Variants in PRR5L observed in about 807,000 individuals in gnomAD.
PRR5L encodes the protein proline rich 5 like, also known as proline-rich protein 5-like.
Under a neutral mutation model 36.4 loss-of-function variants are expected in PRR5L, and 21 were observed. The ratio of observed to expected loss-of-function variants is 0.58; its 90% CI spans 0.41 to 0.83. The LOEUF (loss-of-function observed/expected upper bound fraction) is 0.83. Ranked by LOEUF, PRR5L falls within the 40% of genes least tolerant of loss-of-function variation. The probability of loss-of-function intolerance (pLI) is 0.00; values close to 1 mark genes in which losing one functional copy is unlikely to be tolerated. For missense variants in PRR5L, 381 were observed against 473.3 expected, an observed-to-expected ratio of 0.80 and a Z score of 1.81; for synonymous variants, 188 against 197.0, an observed-to-expected ratio of 0.95 and a Z score of 0.38.
intron 1 of PRR5L, among the ~76,000 whole-genome samples, chr11:36,340,802 C>T (rs1856809965): frequency 6.6e-6 from 1 of 152,138 alleles, no homozygotes. Flanking sequence ...AACATGCAAG[C>T]AGGGAAAGAC....
chr11:36,308,938 T>C (rs1031760278), intron 1 of PRR5L, among the ~76,000 whole-genome samples: 1 of 152,214 alleles, frequency 6.6e-6, no homozygotes, highest in Non-Finnish European at 1.5e-5. Context: ...AGAATTGCCC[T>C]AGTCAACCTG....
chr11:36,349,292 A>G lies in PRR5L; in HGVS notation c.-125-51705A>G, dbSNP rs1294882723. Among the ~76,000 whole-genome samples the G allele has an allele frequency of 4.0e-5, 6 of 151,708 alleles. 1 individual carries two copies. The highest frequency in any genetic ancestry group is 6.8e-3 in the Middle Eastern group (2 of 292). ...GCAAGACTCTGCCAAAAAAAAAAAA[A>G]AAAAGAAAAATTGAAGATTTCAAAA... On this transcript the variant is annotated intron_variant, in intron 1 of 8. Coordinates refer to ENST00000530639, the MANE Select transcript of PRR5L (RefSeq NM_001160167.2).
chr11:36,297,744 C>A (rs1251329888), intron 1 of PRR5L, among the ~76,000 whole-genome samples: 1 of 152,172 alleles, frequency 6.6e-6, no homozygotes, highest in Non-Finnish European at 1.5e-5. Context: ...TCAGCCAGAT[C>A]TTTGAATTTG....
intron 7 of PRR5L, among the ~76,000 whole-genome samples, chr11:36,448,909 C>T (rs1858888919): frequency 6.6e-6 from 1 of 152,190 alleles, no homozygotes; most frequent in Non-Finnish European, 1.5e-5. Context: ...CATCCCTTAG[C>T]CCTTATCTTC....
chr11:36,345,843 A>G (rs992188345), intron 1 of PRR5L, among the ~76,000 whole-genome samples: 1 of 152,216 alleles, frequency 6.6e-6, no homozygotes, highest in Non-Finnish European at 1.5e-5. Flanking sequence ...CGTCTAGGTG[A>G]GTCTATCAGG....
intron 1 of PRR5L, among the ~76,000 whole-genome samples, chr11:36,322,718 G>T (rs1043431489): frequency 6.6e-6 from 1 of 152,144 alleles, no homozygotes; most frequent in Non-Finnish European, 1.5e-5. Context: ...ATGAATTGCT[G>T]GGGAAGAGTA....
chr11:36,337,005 T>A (rs931303478), intron 1 of PRR5L, among the ~76,000 whole-genome samples: 1 of 152,176 alleles, frequency 6.6e-6, no homozygotes, highest in African/African-American at 2.4e-5. Context: ...TTTACAGTTA[T>A]CCTGGCATGT....
chr11:36,375,667 C>T (rs1857246994), intron 1 of PRR5L, among the ~76,000 whole-genome samples: 2 of 152,150 alleles, frequency 1.3e-5, no homozygotes, highest in South Asian at 2.1e-4. Context: ...AAATTCTTAA[C>T]ACCTGCAAAA....
chr11:36,387,240 G>A (rs1236708425), intron 1 of PRR5L, among the ~76,000 whole-genome samples: 1 of 152,070 alleles, frequency 6.6e-6, no homozygotes, highest in Non-Finnish European at 1.5e-5. Flanking sequence ...GACACAGGGT[G>A]GGGAACACCA....
At chr11:36,338,805 C>A (rs370007616) in intron 1 of PRR5L, among the ~76,000 whole-genome samples, 1 of 152,072 alleles carries the variant, frequency 6.6e-6, no homozygotes, top group East Asian at 1.9e-4. Flanking sequence ...TGGCTCACTG[C>A]GACCTCCGTG....
intron 1 of PRR5L, among the ~76,000 whole-genome samples, chr11:36,372,341 T>C (rs1002428032): frequency 6.6e-6 from 1 of 152,140 alleles, no homozygotes; most frequent in Non-Finnish European, 1.5e-5. Flanking sequence ...ACAACGGACC[T>C]CTGGAAGAAC....
At chr11:36,389,814 T>C (rs1449241541) in intron 1 of PRR5L, among the ~76,000 whole-genome samples, 2 of 152,162 alleles carry the variant, frequency 1.3e-5, no homozygotes, top group African/African-American at 4.8e-5. Context: ...GGTTTCGCCA[T>C]GTTGGCCAGG....
At position 36,403,380 on chromosome 11, in the gene PRR5L, T is replaced by C; in HGVS notation, c.245+2T>C. Reference sequence around the variant, plus strand: ...CTATGCCCTGAACGAAAACATCAGGTATGTGGCAGGCCAGACTTGGTGCCA... The same window carrying C: ...CTATGCCCTGAACGAAAACATCAGGCATGTGGCAGGCCAGACTTGGTGCCA... On this transcript the variant is annotated splice_donor_variant, in intron 3 of 8. Transcript: ENST00000530639. LOFTEE classifies it high-confidence loss of function. 1 of 1,613,132 alleles carries C rather than the reference T, an allele frequency of 6.2e-7. No individual in the cohort carries two copies. The highest frequency in any genetic ancestry group is 8.5e-7 in the Non-Finnish European group (1 of 1,179,530).
Position 36,403,363 on chromosome 11 carries a change from T to C in PRR5L, c.230T>C (p.Leu77Pro). 1 of 1,613,922 alleles carries C rather than the reference T, an allele frequency of 6.2e-7. No individual in the cohort carries two copies. Among genetic ancestry groups the C allele is most frequent in the Non-Finnish European group, 8.5e-7 (1 of 1,179,954 alleles). The change falls in exon 3 of 9, where the codon CTG (leucine) becomes CCG (proline). Residue 77 changes from leucine to proline, a missense_variant. Coordinates refer to ENST00000530639, the MANE Select transcript of PRR5L (RefSeq NM_001160167.2). ...TTGCAAAGCAACGAGCTCTATGCCC[T>C]GAACGAAAACATCAGGTATGTGGCA... is the stretch of plus-strand genomic sequence containing the variant. ...GGLQSNELYA[L>P]NENIRRLLKS...
intron 4 of PRR5L, 143 bp downstream of exon 4, chr11:36,419,446 G>A: frequency 1.4e-6 from 1 of 733,734 alleles, no homozygotes; most frequent in Non-Finnish European, 2.5e-6. Context: ...GCTGCACGTT[G>A]CAGAGGGGCA....
In PRR5L at chr11:36,376,427, A is replaced by G. The variant is rs997804415; in HGVS notation, c.-125-24570A>G. 8.8e-6 allele frequency: 10 copies of G among 1,133,088 alleles called. No homozygotes were observed. The African/African-American group carries it at 1.7e-4, about 19-fold the overall frequency. 70.2% of individuals were successfully genotyped at this position (1,133,088 alleles called of 1,614,324 possible). ...AACGTGTCACCAGCCCGGCTGTGGG[A>G]GCTCCGCGGCCGAAGCGTTTGTTGA... is the stretch of plus-strand genomic sequence containing the variant. On this transcript the variant is annotated intron_variant, in intron 1 of 8. Transcript: ENST00000530639.
intron 1 of PRR5L, among the ~76,000 whole-genome samples, chr11:36,340,565 T>G (rs1294426464): frequency 2.6e-5 from 4 of 152,216 alleles, no homozygotes; most frequent in African/African-American, 9.7e-5. Context: ...ATGAGGGAAC[T>G]GGGGCCACAC....
At chr11:36,440,888 ACTAG>A (rs1858707435) in intron 6 of PRR5L, among the ~76,000 whole-genome samples, 1 of 152,128 alleles carries the variant, frequency 6.6e-6, no homozygotes, top group Admixed American at 6.5e-5. Flanking sequence ...TTTTGAAACA[ACTAG>A]CTCTCTCATA....
chr11:36,431,847 TG>T lies in PRR5L; in HGVS notation c.295-4del, dbSNP rs750017055. 9.6e-5 allele frequency: 155 copies of T among 1,613,914 alleles called. No homozygotes were observed. The highest frequency in any genetic ancestry group is 1.3e-4 in the Non-Finnish European group (149 of 1,179,874). On this transcript the variant is annotated splice_region_variant and splice_polypyrimidine_tract_variant and intron_variant, in intron 4 of 8. Coordinates refer to ENST00000530639, the MANE Select transcript of PRR5L (RefSeq NM_001160167.2). ...AATTCTTATGTTCTTTGTTCTCTTT[TG>T]GCAGAACCAGCTTCTTGCAAAAGGA...
Sources: gnomAD v4.1 joint callset for allele counts (sites outside exome capture counted in the v4.1 genomes callset) on GRCh38, gnomAD v4.1.1 for gene constraint, MANE v1.5 for transcripts, NCBI Gene and HGNC (gene_info 2026-07-23, HGNC 2026-07-21) for gene names.